The following DYNC1LI2 variants were observed in gnomAD, a reference collection of about 807,000 sequenced individuals.
The protein encoded by DYNC1LI2 is cytoplasmic dynein 1 light intermediate chain 2.
A neutral mutation model predicts 57.8 loss-of-function variants in DYNC1LI2; 19 were observed. The ratio of observed to expected loss-of-function variants is 0.33; its 90% CI spans 0.23 to 0.48. DYNC1LI2 has a LOEUF of 0.48. Ranked by LOEUF, DYNC1LI2 falls within the 20% of genes least tolerant of loss-of-function variation. The pLI is 0.99. For missense variants in DYNC1LI2, 470 were observed against 604.2 expected, an observed-to-expected ratio of 0.78 and a Z score of 2.33; for synonymous variants, 256 against 233.4, an observed-to-expected ratio of 1.10 and a Z score of -0.88.
chr16:66,729,169 G>T, intron 8 of DYNC1LI2, 70 bp from the exon 9 acceptor site: 1 of 1,550,908 alleles, frequency 6.4e-7, no homozygotes, highest in Non-Finnish European at 8.9e-7. Context: ...ACTTCATGCC[G>T]AAAGGAGAGT....
Position 66,732,353 on chromosome 16 carries a change from C to G in DYNC1LI2, c.915G>C (p.Lys305Asn). 1 of 1,612,778 alleles carries G rather than the reference C, an allele frequency of 6.2e-7. No homozygotes were observed. Among genetic ancestry groups the G allele is most frequent in the Non-Finnish European group, 8.5e-7 (1 of 1,179,632 alleles). Residue 305 changes from lysine to asparagine, a missense_variant, in exon 7 of 13, where the codon AAG (lysine) becomes AAC (asparagine). By Grantham distance (94) the Lys-to-Asn change is moderately conservative. Coordinates refer to ENST00000258198, the MANE Select transcript of DYNC1LI2 (RefSeq NM_006141.3). Reference sequence around the variant, plus strand: ...AAATAACTCACATAAAAACGGCATCCTTTTCCACAACTAAGGCAGGTGTGG... The same window carrying G: ...AAATAACTCACATAAAAACGGCATCGTTTTCCACAACTAAGGCAGGTGTGG... Reference protein sequence around the residue: ...HFTTPALVVEKDAVFIPAGWD... With the variant: ...HFTTPALVVENDAVFIPAGWD...
chr16:66,726,026 T>A, intron 11 of DYNC1LI2, 82 bp from the exon 12 acceptor site: 2 of 1,433,128 alleles, frequency 1.4e-6, no homozygotes, highest in Non-Finnish European at 1.9e-6. Context: ...AGCTTGGCAT[T>A]AGCCACTTGT....
At chr16:66,739,120 C>G (rs1024153063) in intron 4 of DYNC1LI2, 2 of 152,190 alleles carry the variant, frequency 1.3e-5, no homozygotes, top group African/African-American at 4.8e-5. Context: ...AATGGCTTAA[C>G]TGGGCAAGAT....
At chr16:66,748,401 T>C (rs2017979472) in intron 3 of DYNC1LI2, among the ~76,000 whole-genome samples, 1 of 151,724 alleles carries the variant, frequency 6.6e-6, no homozygotes, top group Non-Finnish European at 1.5e-5. Context: ...TAAGAAAACA[T>C]TTTAAAATTA....
At chr16:66,736,050 A>T in intron 5 of DYNC1LI2, 25 bp downstream of exon 5, 3 of 1,602,644 alleles carry the variant, frequency 1.9e-6, no homozygotes, top group Non-Finnish European at 2.6e-6. Context: ...GAACCCAGCC[A>T]AGCCAACAAC....
intron 3 of DYNC1LI2, among the ~76,000 whole-genome samples, chr16:66,746,118 G>T (rs1486358914): frequency 1.3e-5 from 2 of 151,578 alleles, no homozygotes; most frequent in Non-Finnish European, 3.0e-5. Flanking sequence ...TTTAGTTTGG[G>T]TTCTGTGAAT....
chr16:66,731,682 A>G (rs3785089), intron 7 of DYNC1LI2: 26,975 of 152,282 alleles, frequency 0.18, 4,643 homozygotes, highest in African/African-American at 0.45. Flanking sequence ...GGTGCTGAAT[A>G]AGGTTTCCTG....
intron 6 of DYNC1LI2, 179 bp from the exon 7 acceptor site, chr16:66,732,653 G>A (rs1470935294): frequency 1.5e-5 from 7 of 464,432 alleles, no homozygotes; most frequent in Non-Finnish European, 2.5e-5. Flanking sequence ...CTGCACACTG[G>A]TAAAAATAAA....
At chr16:66,743,871 T>C (rs1350035669) in intron 3 of DYNC1LI2, among the ~76,000 whole-genome samples, 3 of 152,210 alleles carry the variant, frequency 2.0e-5, no homozygotes, top group Non-Finnish European at 4.4e-5. Flanking sequence ...CCTAATTATA[T>C]TGGGGAATTA....
At chr16:66,743,690 G>C (rs1157722547) in intron 3 of DYNC1LI2, among the ~76,000 whole-genome samples, 1 of 152,070 alleles carries the variant, frequency 6.6e-6, no homozygotes, top group Non-Finnish European at 1.5e-5. Context: ...AGCAATCAGT[G>C]AAGCAGTGAG....
At chr16:66,739,123 G>A (rs118071942) in intron 4 of DYNC1LI2, 1 of 152,168 alleles carries the variant, frequency 6.6e-6, no homozygotes, top group Non-Finnish European at 1.5e-5. Flanking sequence ...GGCTTAACTG[G>A]GCAAGATCTA....
intron 11 of DYNC1LI2, 31 bp from the exon 12 acceptor site, chr16:66,725,975 C>G (rs781238558): frequency 1.3e-6 from 2 of 1,600,002 alleles, no homozygotes; most frequent in South Asian, 2.2e-5. Context: ...AAAAAAGCAT[C>G]ATATAAACTG....
intron 3 of DYNC1LI2, among the ~76,000 whole-genome samples, chr16:66,744,292 T>C (rs1380356104): frequency 6.6e-6 from 1 of 152,184 alleles, no homozygotes; most frequent in Non-Finnish European, 1.5e-5. Context: ...GCTCAAGCAA[T>C]GCTCCTGCCT....
At position 66,736,092 on chromosome 16, in the gene DYNC1LI2, A is replaced by G; in HGVS notation, c.682T>C (p.Leu228=). Residue 228 remains leucine, a synonymous_variant, in exon 5 of 13, where the codon TTG becomes CTG. Transcript: ENST00000258198. ...VLTHNLGIPV[L]VVCTKCDAVS... ...GCACACACCTTTGTGCACACCACCA[A>G]CACCGGGATCCCCAGGTTATGAGTC... The G allele has an allele frequency of 6.2e-7, 1 of 1,613,992 alleles. No homozygotes were observed. The highest frequency in any genetic ancestry group is 8.5e-7 in the Non-Finnish European group (1 of 1,180,004).
intron 9 of DYNC1LI2, 66 bp downstream of exon 9, chr16:66,728,974 C>T (rs2017585118): frequency 1.3e-6 from 2 of 1,575,310 alleles, no homozygotes; most frequent in African/African-American, 1.3e-5. Context: ...CACCCCCAAC[C>T]CCACCCTAGG....
At position 66,751,602 on chromosome 16, in the gene DYNC1LI2, G is replaced by A. The variant is rs575612827; in HGVS notation, c.-11C>T. ...CCCCACCGGCGCCATCTTGCCAACT[G>A]CAGCCACAAAGAGGGCCCTCCCCCG... On this transcript the variant is annotated 5_prime_UTR_variant, in exon 1 of 13. Coordinates refer to ENST00000258198, the MANE Select transcript of DYNC1LI2 (RefSeq NM_006141.3). The surrounding 1 kb of genome is among the most constrained non-coding windows in gnomAD (Gnocchi z 5.2). 1.1e-5 allele frequency: 18 copies of A among 1,569,204 alleles called. No individual in the cohort carries two copies. The highest frequency in any genetic ancestry group is 1.6e-5 in the Non-Finnish European group (18 of 1,160,908).
At chr16:66,725,079 C>A (rs536051088) in intron 12 of DYNC1LI2, among the ~76,000 whole-genome samples, 1 of 150,902 alleles carries the variant, frequency 6.6e-6, no homozygotes, top group Non-Finnish European at 1.5e-5. Context: ...GAGGCTGAGG[C>A]AAGAGAATTG....
intron 2 of DYNC1LI2, 117 bp from the exon 3 acceptor site, chr16:66,749,430 G>T: frequency 1.0e-6 from 1 of 1,002,120 alleles, no homozygotes; most frequent in Non-Finnish European, 1.5e-6. Context: ...TGCTGTTGAA[G>T]TCTCACCTGC....
chr16:66,729,169 G>GA, intron 8 of DYNC1LI2, 70 bp from the exon 9 acceptor site: 1 of 1,550,908 alleles, frequency 6.4e-7, no homozygotes, highest in Non-Finnish European at 8.9e-7. Flanking sequence ...ACTTCATGCC[G>GA]AAAGGAGAGT....
Sources: gnomAD v4.1 joint callset for allele counts (sites outside exome capture counted in the v4.1 genomes callset) on GRCh38, gnomAD v4.1.1 for gene constraint, Gnocchi (gnomAD v3.1) non-coding constraint, MANE v1.5 for transcripts, NCBI Gene and HGNC (gene_info 2026-07-23, HGNC 2026-07-21) for gene names.